ORC5: variants seen among roughly 807,000 people sequenced by gnomAD.
ORC5 encodes the protein origin recognition complex subunit 5.
A neutral mutation model predicts 58.8 loss-of-function variants in ORC5; 39 were observed. The observed-to-expected ratio is 0.66, with a 90% CI of 0.51 to 0.87. The LOEUF (loss-of-function observed/expected upper bound fraction) is 0.87, where lower values mean the gene tolerates loss of function less well. Ranked by LOEUF, ORC5 falls within the 40% of genes least tolerant of loss-of-function variation. The probability of loss-of-function intolerance (pLI) is 0.00; values close to 1 mark genes in which losing one functional copy is unlikely to be tolerated. For synonymous variants in ORC5, 218 were observed against 177.6 expected (o/e 1.23, Z -1.81); for missense variants, 493 against 506.3 (o/e 0.97, Z 0.25).
At chr7:104,193,030 G>T (rs983384033) in intron 5 of ORC5, among the ~76,000 whole-genome samples, 3 of 151,960 alleles carry the variant, frequency 2.0e-5, no homozygotes, top group African/African-American at 7.2e-5. Flanking sequence ...AAAAAAGATA[G>T]AGAAGAAAAG....
At chr7:104,201,018 C>T in intron 2 of ORC5, 60 bp from the exon 3 acceptor site, 2 of 1,400,742 alleles carry the variant, frequency 1.4e-6, no homozygotes, top group Non-Finnish European at 9.9e-7. Flanking sequence ...ACAATAATGG[C>T]TGTGCTGGAT....
rs767002788 is a variant in ORC5 at position 104,183,947 on chromosome 7, A to G, written c.820T>C (p.Ser274Pro). ...GCATACTAAATAGAAAATTACCTTGATATTTCCCTGAGATAAACAGTCTGC... is the reference window on the plus strand; with the variant it reads ...GCATACTAAATAGAAAATTACCTTGGTATTTCCCTGAGATAAACAGTCTGC... ...AMQTVYLREISSSQWEKLQKD... is the reference protein window; with the variant it reads ...AMQTVYLREIPSSQWEKLQKD... The change falls in exon 8 of 14, where the codon TCA (serine) becomes CCA (proline). Residue 274 changes from serine (S) to proline (P), a missense_variant. Around this residue, in one of 3 missense-constraint regions of ORC5, gnomAD observed 412 missense variants for 403.7 expected, o/e 1.02. Coordinates refer to ENST00000297431, the MANE Select transcript of ORC5 (RefSeq NM_002553.4). The G allele has an allele frequency of 1.9e-6, 3 of 1,601,770 alleles. No individual in the cohort carries two copies. In the African/African-American group the frequency reaches 4.0e-5, roughly 21 times the overall value.
intron 1 of ORC5, among the ~76,000 whole-genome samples, chr7:104,205,086 C>CTT (rs10672012): frequency 0.35 from 34,330 of 98,202 alleles, 7,522 homozygotes; most frequent in Non-Finnish European, 0.48. Flanking sequence ...TAATAATACT[C>CTT]TTTTTTTTTT....
At chr7:104,131,477 T>C (rs1302664694) in intron 13 of ORC5, among the ~76,000 whole-genome samples, 2 of 152,248 alleles carry the variant, frequency 1.3e-5, no homozygotes, top group African/African-American at 4.8e-5. Context: ...TGTTCTTTCC[T>C]ATCAGCATTT....
intron 12 of ORC5, among the ~76,000 whole-genome samples, chr7:104,144,474 G>A (rs542088457): frequency 6.6e-6 from 1 of 152,208 alleles, no homozygotes; most frequent in East Asian, 1.9e-4. Flanking sequence ...TTAAAAATGA[G>A]GCTGGGAGCA....
intron 12 of ORC5, among the ~76,000 whole-genome samples, chr7:104,149,006 C>T (rs1009146597): frequency 5.4e-5 from 8 of 148,558 alleles, no homozygotes; most frequent in African/African-American, 1.7e-4. Flanking sequence ...TGCACTCCCA[C>T]CTGGGCGACA....
At chr7:104,139,797 A>G (rs951153272) in intron 12 of ORC5, among the ~76,000 whole-genome samples, 1 of 151,984 alleles carries the variant, frequency 6.6e-6, no homozygotes, top group Non-Finnish European at 1.5e-5. Context: ...GCTTTGTTAC[A>G]TATATGTCTA....
rs142108089 is a variant in ORC5, at chr7:104,163,254, T to C, written c.1038+1981A>G. ...TTTCTCAGTCTCTCCTGCAGTTAGATAGAGGTCACGTAACTGGGTTCTGCC... is the reference window on the plus strand; with the variant it reads ...TTTCTCAGTCTCTCCTGCAGTTAGACAGAGGTCACGTAACTGGGTTCTGCC... On this transcript the variant is annotated intron_variant, in intron 11 of 13. Coordinates refer to ENST00000297431, the MANE Select transcript of ORC5 (RefSeq NM_002553.4). Among the ~76,000 whole-genome samples the C allele has an allele frequency of 1.2e-3, 179 of 152,266 alleles. 4 individuals carry two copies. In the South Asian group the frequency reaches 0.035, roughly 29 times the overall value.
rs1224491992 is a variant in ORC5, at chr7:104,186,284, G to A, written c.684+1967C>T. On this transcript the variant is annotated intron_variant, in intron 6 of 13. Coordinates refer to ENST00000297431, the MANE Select transcript of ORC5 (RefSeq NM_002553.4). ...AGTACTCAGGGAATACAAAACCCAT[G>A]TATATGGAGGGCTAACTTTTTTACA... Among the ~76,000 whole-genome samples, 9 of 151,964 alleles carry A rather than the reference G, an allele frequency of 5.9e-5. No homozygotes were observed. The South Asian group carries it at 1.7e-3, about 28-fold the overall frequency.
At chr7:104,160,556 GT>G (rs957695072) in intron 12 of ORC5, among the ~76,000 whole-genome samples, 8 of 151,286 alleles carry the variant, frequency 5.3e-5, no homozygotes, top group African/African-American at 7.3e-5. Flanking sequence ...TTAACTACTT[GT>G]TTTTTTTAAA....
intron 8 of ORC5, among the ~76,000 whole-genome samples, chr7:104,173,829 G>A (rs1414559177): frequency 1.4e-5 from 2 of 147,656 alleles, no homozygotes; most frequent in East Asian, 2.0e-4. Context: ...CTGCATACCT[G>A]GGTTTAAAAT....
intron 8 of ORC5, among the ~76,000 whole-genome samples, chr7:104,173,217 G>A (rs953410643): frequency 3.3e-5 from 5 of 152,164 alleles, no homozygotes; most frequent in South Asian, 4.1e-4. Flanking sequence ...GTCAAACTCC[G>A]AACTGGTACC....
intron 12 of ORC5, among the ~76,000 whole-genome samples, chr7:104,154,127 A>G (rs1187340708): frequency 6.6e-6 from 1 of 152,092 alleles, no homozygotes; most frequent in East Asian, 1.9e-4. Flanking sequence ...TTTTAAGAAA[A>G]GCCACTCAGA....
chr7:104,197,098 T>C (rs1348591930), intron 4 of ORC5, among the ~76,000 whole-genome samples: 2 of 152,230 alleles, frequency 1.3e-5, no homozygotes, highest in African/African-American at 2.4e-5. Flanking sequence ...TTAATATTGT[T>C]GATAGGTTCT....
intron 12 of ORC5, among the ~76,000 whole-genome samples, chr7:104,139,813 C>T (rs1185972976): frequency 6.6e-6 from 1 of 151,900 alleles, no homozygotes; most frequent in African/African-American, 2.4e-5. Context: ...GTCTATTACA[C>T]AAGACACATA....
intron 5 of ORC5, among the ~76,000 whole-genome samples, chr7:104,190,847 G>C (rs60431768): frequency 0.045 from 6,770 of 151,882 alleles, 499 homozygotes; most frequent in African/African-American, 0.15. Context: ...CAGTAAGTTA[G>C]TATTTTTAGC....
intron 9 of ORC5, chr7:104,168,271 T>A: frequency 8.7e-7 from 1 of 1,143,932 alleles, no homozygotes; most frequent in South Asian, 3.4e-5. Context: ...AGAAAGCTGG[T>A]ATTCAAACTT....
intron 8 of ORC5, among the ~76,000 whole-genome samples, chr7:104,174,136 G>A (rs1042998143): frequency 1.3e-5 from 2 of 152,078 alleles, no homozygotes; most frequent in African/African-American, 2.4e-5. Flanking sequence ...GAGCCACCGC[G>A]CCCGGCCGTA....
intron 6 of ORC5, 195 bp from the exon 7 acceptor site, chr7:104,184,366 T>G: frequency 1.8e-6 from 1 of 563,400 alleles, no homozygotes; most frequent in Non-Finnish European, 3.1e-6. Flanking sequence ...GGGGATTGCT[T>G]GAGCCCAGGA....
Sources: allele counts gnomAD v4.1 joint callset (sites outside exome capture counted in the v4.1 genomes callset), GRCh38; gene constraint gnomAD v4.1.1; regional missense constraint gnomAD v4.1.1; transcripts MANE v1.5; gene names NCBI Gene and HGNC (gene_info 2026-07-23, HGNC 2026-07-21).